Variants in JARID2 observed in about 807,000 individuals in gnomAD.
The protein encoded by JARID2 is jumonji and AT-rich interaction domain containing 2.
JARID2 carries 21 observed loss-of-function variants against 125.6 expected under a neutral mutation model. The ratio of observed to expected loss-of-function variants is 0.17; its 90% CI spans 0.12 to 0.24. The LOEUF is 0.24. JARID2 is among the 10% of genes least tolerant of loss of function. The probability of loss-of-function intolerance (pLI) is 1.00; values close to 1 mark genes in which losing one functional copy is unlikely to be tolerated. For missense variants in JARID2, 1,303 were observed against 1,639.6 expected (o/e 0.79, Z 3.55); for synonymous variants, 736 against 661.6 (o/e 1.11, Z -1.73).
chr6:15,502,952 A>G (rs889342739), intron 8 of JARID2, among the ~76,000 whole-genome samples: 2 of 152,216 alleles, frequency 1.3e-5, no homozygotes. Context: ...GAATCCTGTG[A>G]CTGAATAGCC....
At chr6:15,260,383 T>C (rs1377350096) in intron 1 of JARID2, among the ~76,000 whole-genome samples, 1 of 152,182 alleles carries the variant, frequency 6.6e-6, no homozygotes, top group African/African-American at 2.4e-5. Flanking sequence ...TTCCAAACCA[T>C]TGTGGTTTAA....
chr6:15,510,443 T>G (rs1203679403), intron 12 of JARID2, among the ~76,000 whole-genome samples: 1 of 152,156 alleles, frequency 6.6e-6, no homozygotes, highest in South Asian at 2.1e-4. Flanking sequence ...GGGCAAAACC[T>G]CCTCCCCTCC....
At chr6:15,404,054 T>C (rs1765548133) in intron 2 of JARID2, among the ~76,000 whole-genome samples, 1 of 152,206 alleles carries the variant, frequency 6.6e-6, no homozygotes, top group South Asian at 2.1e-4. Flanking sequence ...AGCCGAGGTA[T>C]GAAACCACTT....
chr6:15,381,952 T>C lies in JARID2; in HGVS notation c.181+7700T>C, dbSNP rs80076624. Among the ~76,000 whole-genome samples, 1,145 of 152,330 alleles carry C rather than the reference T, an allele frequency of 7.5e-3. 15 individuals are homozygous for C. The highest frequency in any genetic ancestry group is 0.026 in the African/African-American group (1,086 of 41,572). On this transcript the variant is annotated intron_variant, in intron 2 of 17. Transcript: ENST00000341776. Reference sequence around the variant, plus strand: ...AGAAAAATAGATGCAACTTAAAATCTGTGAAGCAGGATAAAATACTGTAGG... The same window carrying C: ...AGAAAAATAGATGCAACTTAAAATCCGTGAAGCAGGATAAAATACTGTAGG...
chr6:15,300,722 T>TGTGTGAGAGAGA (rs1246745065), intron 1 of JARID2, among the ~76,000 whole-genome samples: 2 of 111,200 alleles, frequency 1.8e-5, no homozygotes, highest in East Asian at 4.8e-4. Context: ...TGTGTGTGTG[T>TGTGTGAGAGAGA]GAGAGAGAGA....
chr6:15,418,306 C>T (rs1435456374), intron 3 of JARID2, among the ~76,000 whole-genome samples: 1 of 151,094 alleles, frequency 6.6e-6, no homozygotes, highest in Non-Finnish European at 1.5e-5. Flanking sequence ...CACCCTCCGC[C>T]CTCCCGAGTT....
At chr6:15,404,312 C>T (rs983385806) in intron 2 of JARID2, among the ~76,000 whole-genome samples, 4 of 152,200 alleles carry the variant, frequency 2.6e-5, no homozygotes, top group Admixed American at 2.6e-4. Flanking sequence ...CCATGCCAAG[C>T]AGGCCCAAAG....
chr6:15,448,201 T>C (rs979909832), intron 3 of JARID2, among the ~76,000 whole-genome samples: 8 of 152,212 alleles, frequency 5.3e-5, no homozygotes, highest in African/African-American at 1.9e-4. Context: ...GGCTTCTTCC[T>C]CTAAGGGGTA....
chr6:15,332,935 C>A (rs2065180), intron 1 of JARID2, among the ~76,000 whole-genome samples: 1 of 42,166 alleles, frequency 2.4e-5, no homozygotes, highest in African/African-American at 7.8e-5. Context: ...CTTTTCTTTT[C>A]TTTTTTTTTT....
intron 1 of JARID2, chr6:15,368,697 A>G (rs374208101): frequency 2.0e-5 from 10 of 500,486 alleles, no homozygotes; most frequent in Admixed American, 8.2e-5. Context: ...GTGCTCTTTG[A>G]TCACTGAAGA....
At chr6:15,305,249 G>A (rs1721974548) in intron 1 of JARID2, among the ~76,000 whole-genome samples, 1 of 152,174 alleles carries the variant, frequency 6.6e-6, no homozygotes, top group African/African-American at 2.4e-5. Flanking sequence ...ATGTTGGCCG[G>A]TCATCCTGCA....
chr6:15,330,114 C>T (rs905637072), intron 1 of JARID2, among the ~76,000 whole-genome samples: 2 of 152,172 alleles, frequency 1.3e-5, no homozygotes, highest in Admixed American at 1.3e-4. Context: ...CGTTTGTATT[C>T]TTTCCTTTCC....
intron 1 of JARID2, among the ~76,000 whole-genome samples, chr6:15,268,520 T>C (rs1001759257): frequency 9.9e-5 from 15 of 152,272 alleles, no homozygotes; most frequent in Non-Finnish European, 4.4e-5. Flanking sequence ...TGTGTACTTA[T>C]ATCCGAAAGC....
chr6:15,509,836 T>C (rs1355715759), intron 12 of JARID2, among the ~76,000 whole-genome samples: 1 of 152,152 alleles, frequency 6.6e-6, no homozygotes, highest in Non-Finnish European at 1.5e-5. Flanking sequence ...TTTTGAAGAC[T>C]CACTCCTGGA....
chr6:15,520,859 A>G lies in JARID2; in HGVS notation c.*608A>G, dbSNP rs1165478810. 2.2e-6 allele frequency: 1 copy of G among 455,832 alleles called. No homozygotes were observed. The allele number at this position is 455,832 out of a possible 1,614,324, so 28.2% of individuals were successfully genotyped here. On this transcript the variant is annotated 3_prime_UTR_variant, in exon 18 of 18. Transcript: ENST00000341776. ...TTTCCTAACCATAGGTGGAACGAGG[A>G]GACGGGAGCGAGTGGGCTCTCCACC... is the stretch of plus-strand genomic sequence containing the variant.
intron 10 of JARID2, 21 bp downstream of exon 10, chr6:15,507,275 C>T (rs1771049696): frequency 1.2e-6 from 2 of 1,605,736 alleles, no homozygotes; most frequent in Non-Finnish European, 1.7e-6. Context: ...ATTCTCTCGT[C>T]CAGGTTCTTG....
rs1428494670 is a variant in JARID2, at chr6:15,504,581, G to C, written c.2530G>C (p.Ala844Pro). The C allele has an allele frequency of 1.9e-6, 3 of 1,613,408 alleles. No individual in the cohort carries two copies. The highest frequency in any genetic ancestry group is 3.3e-5 in the Admixed American group (2 of 59,998). Residue 844 changes from alanine to proline, a missense_variant, in exon 9 of 18, where the codon GCC (alanine) becomes CCC (proline). Physicochemically the swap from Ala to Pro is conservative, Grantham distance 27 (BLOSUM62 -1). Around this residue, in one of 11 missense-constraint regions of JARID2, gnomAD observed 29 missense variants for 47.7 expected, o/e 0.61. Coordinates refer to ENST00000341776, the MANE Select transcript of JARID2 (RefSeq NM_004973.4). ...GTGTTTCAGCAAGGAGCCTGCCCCA[G>C]CCGAAATCGAGGTGAGAGAAGGGGC... is the stretch of plus-strand genomic sequence containing the variant. ...SMCFSKEPAP[A>P]EIEQEYWRLV...
At chr6:15,447,967 G>A (rs1767747664) in intron 3 of JARID2, among the ~76,000 whole-genome samples, 1 of 152,206 alleles carries the variant, frequency 6.6e-6, no homozygotes, top group African/African-American at 2.4e-5. Flanking sequence ...TGTCTGTACT[G>A]TTTAGAGGGC....
intron 1 of JARID2, among the ~76,000 whole-genome samples, chr6:15,269,888 C>T (rs1386292831): frequency 6.6e-6 from 1 of 152,160 alleles, no homozygotes; most frequent in South Asian, 2.1e-4. Context: ...AACATGGTCT[C>T]AAGTTGAGTT....
Sources: allele counts gnomAD v4.1 joint callset (sites outside exome capture counted in the v4.1 genomes callset), GRCh38; gene constraint gnomAD v4.1.1; regional missense constraint gnomAD v4.1.1; transcripts MANE v1.5; gene names NCBI Gene and HGNC (gene_info 2026-07-23, HGNC 2026-07-21).